The following R3HDM1 variants were observed in gnomAD, a reference collection of about 807,000 sequenced individuals.
R3HDM1 encodes the protein R3H domain containing 1, also known as R3H domain-containing protein 1.
Under a neutral mutation model 141.1 loss-of-function variants are expected in R3HDM1, and 46 were observed. That is an observed-to-expected ratio of 0.33 (90% confidence interval 0.26 to 0.42). The LOEUF (loss-of-function observed/expected upper bound fraction) is 0.42, where lower values mean the gene tolerates loss of function less well. Among genes scored for constraint, R3HDM1 ranks in the 10% least tolerant of loss-of-function variants. The pLI is 1.00. For synonymous variants in R3HDM1, 435 were observed against 472.9 expected (o/e 0.92, Z 1.04); for missense variants, 1,184 against 1,368.3 (o/e 0.87, Z 2.12).
At chr2:135,542,799 T>G (rs1697893940) in intron 1 of R3HDM1, among the ~76,000 whole-genome samples, 1 of 152,190 alleles carries the variant, frequency 6.6e-6, no homozygotes. Flanking sequence ...AGTGCAGTGC[T>G]GCAGTCTTGG....
In R3HDM1 at chr2:135,621,197, G is replaced by A. The variant is rs369651113; in HGVS notation, c.304-297G>A. On this transcript the variant is annotated intron_variant, in intron 5 of 26. Coordinates refer to ENST00000683871, the MANE Select transcript of R3HDM1 (RefSeq NM_001378107.1). ...AAGAAGACCTGAGTTCTCATCCTCCGGGGATTTTACAAGTTGATGCACTTA... is the reference window on the plus strand; with the variant it reads ...AAGAAGACCTGAGTTCTCATCCTCCAGGGATTTTACAAGTTGATGCACTTA... 6.6e-5 allele frequency among the ~76,000 whole-genome samples: 10 copies of A among 151,948 alleles called. No homozygotes were observed. Among genetic ancestry groups the A allele is most frequent in the South Asian group, 4.2e-4 (2 of 4,816 alleles).
intron 7 of R3HDM1, among the ~76,000 whole-genome samples, chr2:135,629,751 C>A (rs1052709143): frequency 1.3e-5 from 2 of 152,110 alleles, no homozygotes; most frequent in African/African-American, 4.8e-5. Context: ...TGGATGAAGA[C>A]CAGCTCATGC....
intron 14 of R3HDM1, 49 bp downstream of exon 14, chr2:135,639,171 ATGT>A (rs2063541426): frequency 6.4e-7 from 1 of 1,553,966 alleles, no homozygotes; most frequent in African/African-American, 1.4e-5. Flanking sequence ...AGTTTTCCTA[ATGT>A]TGTCTCAGGT....
At chr2:135,535,004 A>G (rs1574335080) in intron 1 of R3HDM1, among the ~76,000 whole-genome samples, 1 of 152,174 alleles carries the variant, frequency 6.6e-6, no homozygotes, top group African/African-American at 2.4e-5. Context: ...TACTATTGCT[A>G]TTTGAATTAA....
chr2:135,643,360 T>A (rs914703202), intron 15 of R3HDM1, among the ~76,000 whole-genome samples: 16 of 152,036 alleles, frequency 1.1e-4, no homozygotes, highest in African/African-American at 3.9e-4. Flanking sequence ...GCTTGATAGC[T>A]ATAGACTAGT....
intron 19 of R3HDM1, among the ~76,000 whole-genome samples, chr2:135,670,928 G>A (rs180786059): frequency 2.2e-4 from 34 of 151,736 alleles, no homozygotes; most frequent in African/African-American, 5.8e-4. Flanking sequence ...GTGAGGTGGC[G>A]CGCACCTGCA....
intron 1 of R3HDM1, among the ~76,000 whole-genome samples, chr2:135,588,535 A>G (rs546893512): frequency 2.8e-4 from 43 of 152,290 alleles, no homozygotes; most frequent in Middle Eastern, 6.8e-3. Context: ...AAACCATTAG[A>G]TAAAGAAATT....
At chr2:135,537,174 T>TA (rs60737602) in intron 1 of R3HDM1, among the ~76,000 whole-genome samples, 2,415 of 115,220 alleles carry the variant, frequency 0.021, 65 homozygotes, top group African/African-American at 0.063. Context: ...CTCTGGAATT[T>TA]AAAAAAAAAA....
intron 1 of R3HDM1, among the ~76,000 whole-genome samples, chr2:135,558,425 A>G (rs1308804953): frequency 4.6e-5 from 7 of 152,250 alleles, no homozygotes. Context: ...GGGGAGTTTT[A>G]CAAACCTTGC....
Position 135,672,979 on chromosome 2 carries a change from C to T in R3HDM1, c.2153-2353C>T, listed in dbSNP as rs575661542. Among the ~76,000 whole-genome samples, 29 of 152,236 alleles carry T rather than the reference C, an allele frequency of 1.9e-4. No homozygotes were observed. The South Asian group carries it at 2.3e-3, about 12-fold the overall frequency. ...AAAATTAGCCAGACATGGCAGTGCGCGCCTGTAGCCCCAGCTACTGGGGAG... is the reference window on the plus strand; with the variant it reads ...AAAATTAGCCAGACATGGCAGTGCGTGCCTGTAGCCCCAGCTACTGGGGAG... On this transcript the variant is annotated intron_variant, in intron 19 of 26. Coordinates refer to ENST00000683871, the MANE Select transcript of R3HDM1 (RefSeq NM_001378107.1).
rs1212058319 is a variant in R3HDM1, at chr2:135,645,488, C to G, written c.1584C>G (p.Ala528=). Residue 528 remains alanine, a synonymous_variant, in exon 16 of 27, where the codon GCC becomes GCG. Coordinates refer to ENST00000683871, the MANE Select transcript of R3HDM1 (RefSeq NM_001378107.1). ...VPGPPQPPLP[A]PPQQPAANHI... is the part of the protein sequence containing the mutation. ...GACCTCCACAGCCACCTCTGCCAGCCCCACCTCAACAACCAGCAGCTAATC... is the reference window on the plus strand; with the variant it reads ...GACCTCCACAGCCACCTCTGCCAGCGCCACCTCAACAACCAGCAGCTAATC... The G allele has an allele frequency of 6.2e-7, 1 of 1,613,948 alleles. No individual in the cohort carries two copies. Among genetic ancestry groups the G allele is most frequent in the Admixed American group, 1.7e-5 (1 of 60,000 alleles).
At chr2:135,538,336 G>A (rs1010902567) in intron 1 of R3HDM1, among the ~76,000 whole-genome samples, 4 of 152,172 alleles carry the variant, frequency 2.6e-5, no homozygotes, top group African/African-American at 4.8e-5. Flanking sequence ...TATGGTAGGT[G>A]AGCCAGTGAG....
At chr2:135,675,595 T>C (rs1410573635) in intron 20 of R3HDM1, 109 bp downstream of exon 20, 1 of 1,157,614 alleles carries the variant, frequency 8.6e-7, no homozygotes, top group Non-Finnish European at 1.2e-6. Context: ...AAAACATTTC[T>C]GTAATATACA....
chr2:135,537,666 AT>A (rs995223427), intron 1 of R3HDM1, among the ~76,000 whole-genome samples: 1 of 133,910 alleles, frequency 7.5e-6, no homozygotes, highest in African/African-American at 3.2e-5. Flanking sequence ...ATTTTATTTT[AT>A]TTTATTTTAC....
chr2:135,570,908 G>A (rs1346139277), intron 1 of R3HDM1, among the ~76,000 whole-genome samples: 2 of 152,190 alleles, frequency 1.3e-5, no homozygotes, highest in Admixed American at 6.5e-5. Context: ...CAACGTGTGT[G>A]TTGTAGCCTA....
chr2:135,660,782 G>A (rs1408123799), intron 18 of R3HDM1, among the ~76,000 whole-genome samples: 1 of 150,554 alleles, frequency 6.6e-6, no homozygotes, highest in African/African-American at 2.4e-5. Context: ...GGAGGCAGAG[G>A]TTGCAGTGAG....
intron 1 of R3HDM1, chr2:135,586,437 A>C (rs2105045819): frequency 6.5e-6 from 1 of 153,400 alleles, no homozygotes; most frequent in South Asian, 2.1e-4. Context: ...GCAGAGCATC[A>C]GTTTACAGGT....
At chr2:135,656,604 T>A (rs1050954105) in intron 18 of R3HDM1, 2 of 150,576 alleles carry the variant, frequency 1.3e-5, no homozygotes, top group African/African-American at 4.9e-5. Flanking sequence ...TGTGTGTTTT[T>A]CTAGGGAATG....
intron 14 of R3HDM1, 56 bp downstream of exon 14, chr2:135,639,178 C>A: frequency 6.6e-7 from 1 of 1,519,866 alleles, no homozygotes; most frequent in Non-Finnish European, 9.1e-7. Flanking sequence ...CTAATGTTGT[C>A]TCAGGTCCTT....
Sources: gnomAD v4.1 joint callset for allele counts (sites outside exome capture counted in the v4.1 genomes callset) on GRCh38, gnomAD v4.1.1 for gene constraint, MANE v1.5 for transcripts, NCBI Gene and HGNC (gene_info 2026-07-23, HGNC 2026-07-21) for gene names.